Variants in BTBD9 observed in about 807,000 individuals in gnomAD.
BTBD9 encodes the protein BTB domain containing 9, also known as BTB/POZ domain-containing protein 9.
A neutral mutation model predicts 64.3 loss-of-function variants in BTBD9; 49 were observed. The observed-to-expected ratio is 0.76, with a 90% CI of 0.61 to 0.97. BTBD9 has a LOEUF of 0.97. Ranked by LOEUF, BTBD9 falls within the 50% of genes least tolerant of loss-of-function variation. The probability of loss-of-function intolerance (pLI) is 0.00; values close to 1 mark genes in which losing one functional copy is unlikely to be tolerated. For synonymous variants in BTBD9, 260 were observed against 274.7 expected (o/e 0.95, Z 0.53); for missense variants, 598 against 762.1 (o/e 0.78, Z 2.53).
chr6:38,578,373 T>G (rs1267495447), intron 5 of BTBD9, among the ~76,000 whole-genome samples: 1 of 152,150 alleles, frequency 6.6e-6, no homozygotes, highest in Non-Finnish European at 1.5e-5. Context: ...CCTATAATCC[T>G]CCCCTAGTCA....
chr6:38,604,775 T>C (rs776831290), intron 1 of BTBD9, among the ~76,000 whole-genome samples: 6 of 152,214 alleles, frequency 3.9e-5, no homozygotes, highest in Non-Finnish European at 8.8e-5. Context: ...TAATTGGCTA[T>C]GTGCTCTCCA....
At chr6:38,370,549 T>C (rs1410389846) in intron 6 of BTBD9, among the ~76,000 whole-genome samples, 7 of 152,238 alleles carry the variant, frequency 4.6e-5, no homozygotes, top group East Asian at 1.9e-4. Context: ...CCAGAACTTA[T>C]TGGTAATTAC....
At chr6:38,260,915 T>C (rs766170591) in intron 8 of BTBD9, among the ~76,000 whole-genome samples, 11 of 152,208 alleles carry the variant, frequency 7.2e-5, no homozygotes, top group Non-Finnish European at 1.6e-4. Context: ...ACTTAAGTAG[T>C]TAATATTTCA....
At chr6:38,588,220 C>T (rs979584186) in intron 4 of BTBD9, 7 of 961,668 alleles carry the variant, frequency 7.3e-6, no homozygotes, top group Admixed American at 3.4e-5. Flanking sequence ...GGCCAGCAAC[C>T]AACTACCCAG....
intron 6 of BTBD9, among the ~76,000 whole-genome samples, chr6:38,354,940 GACAC>G (rs1449571868): frequency 1.3e-5 from 2 of 151,790 alleles, no homozygotes; most frequent in Non-Finnish European, 2.9e-5. Flanking sequence ...AGAGAGAGGA[GACAC>G]ACACAAGTAT....
At chr6:38,521,346 A>C (rs1773263913) in intron 6 of BTBD9, among the ~76,000 whole-genome samples, 2 of 152,254 alleles carry the variant, frequency 1.3e-5, no homozygotes, top group East Asian at 1.9e-4. Flanking sequence ...CTTGAAGCAC[A>C]GGAGATGTTA....
In BTBD9 at chr6:38,594,154, T is replaced by C. The variant is rs374367877; in HGVS notation, c.359A>G (p.Tyr120Cys). 4.5e-5 allele frequency: 72 copies of C among 1,614,062 alleles called. No individual in the cohort carries two copies. The highest frequency in any genetic ancestry group is 4.5e-5 in the East Asian group (2 of 44,880). The change falls in exon 3 of 11, where the codon TAT (tyrosine) becomes TGT (cysteine). Residue 120 changes from tyrosine (Y) to cysteine (C), a missense_variant. Transcript: ENST00000481247. ...AGAATCCTCTAGCTCTGGAAATCCA[T>C]ATTTATGAGCCAGGCTCAAAAAGTC... ...LLDFLSLAHK[Y>C]GFPELEDSTS...
intron 6 of BTBD9, among the ~76,000 whole-genome samples, chr6:38,521,793 G>C (rs964404833): frequency 6.6e-6 from 1 of 152,024 alleles, no homozygotes; most frequent in African/African-American, 2.4e-5. Flanking sequence ...TCCTGCCTCA[G>C]CCTTCCAAGT....
chr6:38,189,954 G>A lies in BTBD9; in HGVS notation c.1641+2565C>T, dbSNP rs554664251. Among the ~76,000 whole-genome samples, 6 of 148,704 alleles carry A rather than the reference G, an allele frequency of 4.0e-5. No homozygotes were observed. In the South Asian group the frequency reaches 8.5e-4, roughly 21 times the overall value. Reference sequence around the variant, plus strand: ...CTTCCAAAGTGCTGGAATTACAGGCGTGAGCCACCAGGCCCAGCCTTTTTT... The same window carrying A: ...CTTCCAAAGTGCTGGAATTACAGGCATGAGCCACCAGGCCCAGCCTTTTTT... On this transcript the variant is annotated intron_variant, in intron 10 of 10. Coordinates refer to ENST00000481247, the MANE Select transcript of BTBD9 (RefSeq NM_001099272.2).
intron 1 of BTBD9, among the ~76,000 whole-genome samples, chr6:38,634,248 T>C (rs1778457592): frequency 6.6e-6 from 1 of 152,208 alleles, no homozygotes; most frequent in African/African-American, 2.4e-5. Context: ...AACTCCCTTA[T>C]AACTTCCTCT....
chr6:38,515,002 T>C (rs1772947659), intron 6 of BTBD9, among the ~76,000 whole-genome samples: 1 of 152,220 alleles, frequency 6.6e-6, no homozygotes, highest in African/African-American at 2.4e-5. Context: ...CAATTTTTCA[T>C]ATAATTTTTA....
chr6:38,378,191 T>C (rs887320553), intron 6 of BTBD9, among the ~76,000 whole-genome samples: 1 of 151,960 alleles, frequency 6.6e-6, no homozygotes, highest in Admixed American at 6.6e-5. Flanking sequence ...CTAACTTATG[T>C]GCAGAGAAAC....
chr6:38,519,774 T>C (rs1773201272), intron 6 of BTBD9, among the ~76,000 whole-genome samples: 1 of 152,162 alleles, frequency 6.6e-6, no homozygotes, highest in African/African-American at 2.4e-5. Flanking sequence ...CCTTGAGGCC[T>C]AGCTGCATCC....
intron 6 of BTBD9, among the ~76,000 whole-genome samples, chr6:38,505,973 A>AAAAAAAAAAAC (rs1772486457): frequency 6.7e-6 from 1 of 149,914 alleles, no homozygotes; most frequent in Non-Finnish European, 1.5e-5. Context: ...ACAAAAAAAA[A>AAAAAAAAAAAC]AAAAAAAAAA....
chr6:38,614,532 C>T (rs933369634), intron 1 of BTBD9, among the ~76,000 whole-genome samples: 3 of 152,154 alleles, frequency 2.0e-5, no homozygotes, highest in Non-Finnish European at 4.4e-5. Flanking sequence ...TACATTTGCA[C>T]TTACTTTTCT....
chr6:38,369,474 C>A (rs369857307), intron 6 of BTBD9, among the ~76,000 whole-genome samples: 2 of 152,184 alleles, frequency 1.3e-5, no homozygotes, highest in Admixed American at 6.5e-5. Context: ...CATCTGAGGA[C>A]AGTTCACTCT....
chr6:38,587,566 T>A (rs1178418028), intron 4 of BTBD9: 2 of 578,784 alleles, frequency 3.5e-6, no homozygotes, highest in Non-Finnish European at 6.6e-6. Flanking sequence ...TGCAATTCAG[T>A]GTAGTAGGAC....
intron 9 of BTBD9, among the ~76,000 whole-genome samples, chr6:38,237,305 G>C (rs1051898783): frequency 1.6e-4 from 24 of 152,174 alleles, no homozygotes; most frequent in African/African-American, 5.8e-4. Flanking sequence ...TCCACATAGA[G>C]AGGGGATCTA....
chr6:38,474,985 C>T (rs946578807), intron 6 of BTBD9, among the ~76,000 whole-genome samples: 1 of 152,064 alleles, frequency 6.6e-6, no homozygotes, highest in African/African-American at 2.4e-5. Context: ...ACTATATGTG[C>T]TTCAATATAG....
Sources: allele counts gnomAD v4.1 joint callset (sites outside exome capture counted in the v4.1 genomes callset), GRCh38; gene constraint gnomAD v4.1.1; transcripts MANE v1.5; gene names NCBI Gene and HGNC (gene_info 2026-07-23, HGNC 2026-07-21).